Variants in TRPA1 observed in about 807,000 individuals in gnomAD.
TRPA1 encodes the protein ankyrin-like with transmembrane domains 1.
In TRPA1, 129 loss-of-function variants were observed where a neutral mutation model predicts 131.3. The ratio of observed to expected loss-of-function variants is 0.98; its 90% CI spans 0.85 to 1.14. The LOEUF is 1.14. Ranked by LOEUF, TRPA1 falls within the 50% of genes most tolerant of loss-of-function variation. The probability of loss-of-function intolerance (pLI) is 0.00; values close to 1 mark genes in which losing one functional copy is unlikely to be tolerated. For missense variants in TRPA1, 1,304 were observed against 1,354.2 expected, an observed-to-expected ratio of 0.96 and a Z score of 0.58; for synonymous variants, 441 against 451.7, an observed-to-expected ratio of 0.98 and a Z score of 0.30.
chr8:72,072,015 G>A (rs1462029300), intron 1 of TRPA1, 148 bp from the exon 2 acceptor site: 3 of 734,724 alleles, frequency 4.1e-6, no homozygotes, highest in Non-Finnish European at 6.6e-6. Context: ...TACACAAAAT[G>A]TTTACGGACA....
At chr8:72,047,047 C>A in intron 16 of TRPA1, 101 bp downstream of exon 16, 2 of 872,576 alleles carry the variant, frequency 2.3e-6, no homozygotes, top group Non-Finnish European at 3.7e-6. Flanking sequence ...AGATCAATAC[C>A]ATCTGCAGTA....
At chr8:72,061,796 A>T in intron 6 of TRPA1, 35 bp from the exon 7 acceptor site, 1 of 1,610,178 alleles carries the variant, frequency 6.2e-7, no homozygotes, top group South Asian at 1.1e-5. Flanking sequence ...TCAATGTTTA[A>T]ATCTCAATGA....
chr8:72,064,703 G>A (rs1164264909), intron 4 of TRPA1, among the ~76,000 whole-genome samples: 1 of 152,064 alleles, frequency 6.6e-6, no homozygotes, highest in East Asian at 1.9e-4. Flanking sequence ...AGATGGTGAA[G>A]AGGCAAAATC....
intron 8 of TRPA1, among the ~76,000 whole-genome samples, chr8:72,059,170 C>T (rs1805745831): frequency 6.6e-6 from 1 of 152,174 alleles, no homozygotes; most frequent in African/African-American, 2.4e-5. Context: ...TATGGATATC[C>T]AAATTACGCT....
intron 17 of TRPA1, among the ~76,000 whole-genome samples, chr8:72,043,521 G>T (rs190825513): frequency 6.3e-4 from 96 of 151,766 alleles, no homozygotes; most frequent in African/African-American, 1.6e-3. Flanking sequence ...CAGCCAGAAT[G>T]GTCTTCTTAG....
the TRPA1 span, among the ~76,000 whole-genome samples, chr8:72,085,517 CTTCT>C: frequency 6.6e-6 from 1 of 151,230 alleles, no homozygotes; most frequent in African/African-American, 2.4e-5. Context: ...ATATATTTAT[CTTCT>C]TTAATTTTTT....
At chr8:72,049,878 G>C (rs562344838) in intron 15 of TRPA1, among the ~76,000 whole-genome samples, 1 of 152,118 alleles carries the variant, frequency 6.6e-6, no homozygotes, top group Admixed American at 6.5e-5. Flanking sequence ...ATGACAATAT[G>C]TGACAACTAG....
chr8:72,031,469 T>C (rs1301865674), intron 23 of TRPA1, among the ~76,000 whole-genome samples: 1 of 151,572 alleles, frequency 6.6e-6, no homozygotes, highest in Non-Finnish European at 1.5e-5. Flanking sequence ...TTACAGCTTC[T>C]GGGTAGGCTG....
At chr8:72,067,839 C>A (rs1805967832) in intron 3 of TRPA1, among the ~76,000 whole-genome samples, 2 of 152,200 alleles carry the variant, frequency 1.3e-5, no homozygotes, top group Non-Finnish European at 2.9e-5. Context: ...CCTGACCCAT[C>A]TCATAGGTAC....
intron 17 of TRPA1, among the ~76,000 whole-genome samples, chr8:72,043,672 T>C (rs952837870): frequency 6.6e-6 from 1 of 151,856 alleles, no homozygotes; most frequent in African/African-American, 2.4e-5. Flanking sequence ...AACTGTTAGA[T>C]AGAAGTTGGA....
At chr8:72,077,645 C>T (rs139283761), upstream of TRPA1, among the ~76,000 whole-genome samples, 2 of 152,262 alleles carry the variant, frequency 1.3e-5, no homozygotes, top group African/African-American at 4.8e-5. Context: ...TAAGACCTCT[C>T]AGGAATTCCC....
At chr8:72,079,601 A>C (rs888516562), upstream of TRPA1, among the ~76,000 whole-genome samples, 2 of 151,962 alleles carry the variant, frequency 1.3e-5, no homozygotes, top group African/African-American at 4.8e-5. Context: ...GTCTTGACTT[A>C]TATATTCAGG....
intron 21 of TRPA1, among the ~76,000 whole-genome samples, chr8:72,035,611 A>T (rs540026707): frequency 6.6e-6 from 1 of 152,244 alleles, no homozygotes; most frequent in African/African-American, 2.4e-5. Flanking sequence ...CAACATTACC[A>T]ACTGTCAGAG....
At chr8:72,063,630 A>G in intron 4 of TRPA1, 59 bp from the exon 5 acceptor site, 1 of 1,048,296 alleles carries the variant, frequency 9.5e-7, no homozygotes, top group Admixed American at 1.7e-5. Context: ...GCAAGGGTGG[A>G]TGAGAATTTA....
Position 72,048,908 on chromosome 8 carries a change from C to T in TRPA1, c.1906-1701G>A, listed in dbSNP as rs1412754217. Among the ~76,000 whole-genome samples, 3 of 152,084 alleles carry T rather than the reference C, an allele frequency of 2.0e-5. No homozygotes were observed. The East Asian group carries it at 5.8e-4, about 29-fold the overall frequency. Reference sequence around the variant, plus strand: ...ATGTGAATATTTCAACATTGTTTTACAATTATAAATAATGTTGCAGGAAAC... The same window carrying T: ...ATGTGAATATTTCAACATTGTTTTATAATTATAAATAATGTTGCAGGAAAC... On this transcript the variant is annotated intron_variant, in intron 15 of 26. Transcript: ENST00000262209.
chr8:72,072,955 C>T (rs1032524830), intron 1 of TRPA1, among the ~76,000 whole-genome samples: 6 of 152,198 alleles, frequency 3.9e-5, no homozygotes, highest in Non-Finnish European at 8.8e-5. Context: ...CAGTACCTGA[C>T]GTTGTCAGGC....
intron 24 of TRPA1, among the ~76,000 whole-genome samples, chr8:72,029,051 T>A (rs1811709131): frequency 6.6e-6 from 1 of 152,324 alleles, no homozygotes; most frequent in East Asian, 1.9e-4. Context: ...TAAAAATAAC[T>A]TTGTGTTGTA....
At chr8:72,080,340 G>C (rs1806264935), upstream of TRPA1, among the ~76,000 whole-genome samples, 2 of 151,668 alleles carry the variant, frequency 1.3e-5, no homozygotes, top group South Asian at 4.1e-4. Context: ...TCAAGAGTGG[G>C]TGTTTAATTT....
chr8:72,042,737 G>A (rs940151398), intron 17 of TRPA1, among the ~76,000 whole-genome samples: 6 of 151,876 alleles, frequency 4.0e-5, no homozygotes, highest in Non-Finnish European at 8.8e-5. Context: ...TCAAAAGAAG[G>A]AAGTCTTGTC....
Sources: gnomAD v4.1 joint callset for allele counts (sites outside exome capture counted in the v4.1 genomes callset) on GRCh38, gnomAD v4.1.1 for gene constraint, MANE v1.5 for transcripts, NCBI Gene and HGNC (gene_info 2026-07-23, HGNC 2026-07-21) for gene names.